EPHA6: variants seen among roughly 807,000 people sequenced by gnomAD.
EPHA6 encodes the protein ephrin type-A receptor 6.
EPHA6 carries 50 observed loss-of-function variants against 112.0 expected under a neutral mutation model. That is an observed-to-expected ratio of 0.45 (90% CI 0.36 to 0.56). The LOEUF (loss-of-function observed/expected upper bound fraction) is 0.56. Ranked by LOEUF, EPHA6 falls within the 20% of genes least tolerant of loss-of-function variation. The pLI is 0.00. For synonymous variants in EPHA6, 529 were observed against 490.7 expected, an observed-to-expected ratio of 1.08 and a Z score of -1.03; for missense variants, 1,280 against 1,417.4, an observed-to-expected ratio of 0.90 and a Z score of 1.56.
chr3:97,010,846 G>A (rs1056214492), intron 3 of EPHA6, among the ~76,000 whole-genome samples: 7 of 152,008 alleles, frequency 4.6e-5, no homozygotes, highest in Non-Finnish European at 8.8e-5. Context: ...TCTATGCTAA[G>A]GAATATACAT....
rs1200124782 is a variant in EPHA6, at chr3:97,751,653, T to C, written c.*2952T>C. Among the ~76,000 whole-genome samples, 1 of 152,136 alleles carries C rather than the reference T, an allele frequency of 6.6e-6. No individual in the cohort carries two copies. Among genetic ancestry groups the C allele is most frequent in the Non-Finnish European group, 1.5e-5 (1 of 67,984 alleles). On this transcript the variant is annotated 3_prime_UTR_variant, in exon 18 of 18. Coordinates refer to ENST00000389672, the MANE Select transcript of EPHA6 (RefSeq NM_001080448.3). ...AATTTTACATGAAACATTTTGAGAC[T>C]TACTAGTGTAAATTTTAGGTAATTA...
chr3:97,310,457 A>G (rs1271315813), intron 5 of EPHA6, among the ~76,000 whole-genome samples: 1 of 151,494 alleles, frequency 6.6e-6, no homozygotes, highest in Admixed American at 6.6e-5. Flanking sequence ...CAATGTAAGC[A>G]TGATTGATTT....
intron 2 of EPHA6, among the ~76,000 whole-genome samples, chr3:96,962,676 G>T (rs2041987801): frequency 6.6e-6 from 1 of 150,518 alleles, no homozygotes; most frequent in African/African-American, 2.5e-5. Flanking sequence ...AGCCTTATTT[G>T]CTCAGAAACA....
At chr3:97,698,947 T>A (rs1281215876) in intron 14 of EPHA6, among the ~76,000 whole-genome samples, 1 of 152,256 alleles carries the variant, frequency 6.6e-6, no homozygotes, top group African/African-American at 2.4e-5. Context: ...ATTTACAGAT[T>A]AGCAGATTGA....
intron 14 of EPHA6, among the ~76,000 whole-genome samples, chr3:97,664,299 G>C (rs553986023): frequency 6.6e-6 from 1 of 152,160 alleles, no homozygotes; most frequent in Non-Finnish European, 1.5e-5. Context: ...TGTTCACTCT[G>C]ATGGTAGTTT....
chr3:96,978,161 G>A (rs2107805647), intron 2 of EPHA6, among the ~76,000 whole-genome samples: 1 of 152,100 alleles, frequency 6.6e-6, no homozygotes, highest in African/African-American at 2.4e-5. Context: ...CCCTATCTCA[G>A]AAAAAGAAAA....
At chr3:97,609,663 A>G (rs2093703568) in intron 12 of EPHA6, among the ~76,000 whole-genome samples, 1 of 151,470 alleles carries the variant, frequency 6.6e-6, no homozygotes, top group East Asian at 1.9e-4. Flanking sequence ...ATTTACATAC[A>G]TTGTACTAAT....
At position 97,319,722 on chromosome 3, in the gene EPHA6, C is replaced by T. The variant is rs147318084; in HGVS notation, c.1606+75435C>T. Among the ~76,000 whole-genome samples, 70 of 145,096 alleles carry T rather than the reference C, an allele frequency of 4.8e-4. 1 individual carries two copies. In the East Asian group the frequency reaches 5.1e-3, roughly 11 times the overall value. ...AACAACACCAAAAAACAAAACAAAA[C>T]GAAAAAAACAGGAAAAATATATAAA... On this transcript the variant is annotated intron_variant, in intron 5 of 17. Transcript: ENST00000389672.
intron 2 of EPHA6, among the ~76,000 whole-genome samples, chr3:96,982,181 T>C (rs1411295858): frequency 2.0e-5 from 3 of 152,216 alleles, no homozygotes; most frequent in Admixed American, 1.3e-4. Flanking sequence ...TGCTTTCTCT[T>C]GTGGGTATTT....
chr3:97,703,749 G>A (rs923410061), intron 14 of EPHA6, among the ~76,000 whole-genome samples: 8 of 152,192 alleles, frequency 5.3e-5, no homozygotes, highest in South Asian at 2.1e-4. Context: ...AATTGGTTCA[G>A]CAACTTGACC....
intron 11 of EPHA6, among the ~76,000 whole-genome samples, chr3:97,548,612 T>C (rs1452681068): frequency 6.6e-6 from 1 of 152,224 alleles, no homozygotes; most frequent in Non-Finnish European, 1.5e-5. Flanking sequence ...TTTCAGATTG[T>C]TCTATACATA....
In EPHA6 at chr3:97,405,215, C is replaced by A. The variant is rs1230227000; in HGVS notation, c.1672C>A (p.Gln558Lys). ...CCAAAATAGCATTGCCCTATCATGG[C>A]AAGCACCTGCTTTTTCCAATGGAGC... ...ASQNSIALSW[Q>K]APAFSNGAIL... Residue 558 changes from glutamine (Q) to lysine (K), a missense_variant, in exon 6 of 18, where the codon CAA (glutamine) becomes AAA (lysine). Coordinates refer to ENST00000389672, the MANE Select transcript of EPHA6 (RefSeq NM_001080448.3). 2 of 1,609,844 alleles carry A rather than the reference C, an allele frequency of 1.2e-6. No individual in the cohort carries two copies. Among genetic ancestry groups the A allele is most frequent in the South Asian group, 1.1e-5 (1 of 90,290 alleles).
intron 11 of EPHA6, among the ~76,000 whole-genome samples, chr3:97,567,596 T>C (rs2093283899): frequency 6.6e-6 from 1 of 152,148 alleles, no homozygotes; most frequent in Non-Finnish European, 1.5e-5. Flanking sequence ...TAATCTAATA[T>C]AACTGGCGTA....
intron 3 of EPHA6, among the ~76,000 whole-genome samples, chr3:97,096,918 A>G (rs2108248248): frequency 6.6e-6 from 1 of 151,904 alleles, no homozygotes; most frequent in East Asian, 1.9e-4. Flanking sequence ...TAAGTAACTC[A>G]GTGTTAAATG....
intron 2 of EPHA6, among the ~76,000 whole-genome samples, chr3:96,957,473 A>G (rs751994681): frequency 7.9e-5 from 12 of 152,232 alleles, no homozygotes; most frequent in Non-Finnish European, 1.3e-4. Flanking sequence ...CAATTTCACA[A>G]TGTAGATAAT....
intron 5 of EPHA6, among the ~76,000 whole-genome samples, chr3:97,402,340 CAT>C (rs2087043468): frequency 6.6e-6 from 1 of 152,018 alleles, no homozygotes; most frequent in African/African-American, 2.4e-5. Context: ...GTGTTGAGTG[CAT>C]ATATGTTTAC....
At chr3:97,687,955 G>T (rs970132769) in intron 14 of EPHA6, among the ~76,000 whole-genome samples, 1 of 152,162 alleles carries the variant, frequency 6.6e-6, no homozygotes, top group African/African-American at 2.4e-5. Context: ...TTAAAGCCCT[G>T]GTTGGAAGTG....
chr3:97,297,139 G>A (rs1241279096), intron 5 of EPHA6, among the ~76,000 whole-genome samples: 1 of 152,092 alleles, frequency 6.6e-6, no homozygotes, highest in Non-Finnish European at 1.5e-5. Flanking sequence ...CTGTCACTAG[G>A]GTTGTAGGAG....
intron 12 of EPHA6, among the ~76,000 whole-genome samples, chr3:97,602,391 T>G (rs1332913780): frequency 6.6e-6 from 1 of 152,022 alleles, no homozygotes; most frequent in East Asian, 1.9e-4. Flanking sequence ...ACACAGTGCC[T>G]AGTTCATAAT....
Sources: allele counts gnomAD v4.1 joint callset (sites outside exome capture counted in the v4.1 genomes callset), GRCh38; gene constraint gnomAD v4.1.1; transcripts MANE v1.5; gene names NCBI Gene and HGNC (gene_info 2026-07-23, HGNC 2026-07-21).